GALNTL6: variants seen among roughly 807,000 people sequenced by gnomAD.
GALNTL6 encodes polypeptide N-acetylgalactosaminyltransferase like 6, also known as polypeptide N-acetylgalactosaminyltransferase-like 6.
In GALNTL6, 46 loss-of-function variants were observed where a neutral mutation model predicts 73.7. The observed-to-expected ratio is 0.62, with a 90% confidence interval of 0.49 to 0.80. The LOEUF (loss-of-function observed/expected upper bound fraction) is 0.80. Ranked by LOEUF, GALNTL6 falls within the 30% of genes least tolerant of loss-of-function variation. The pLI is 0.00. For synonymous variants in GALNTL6, 259 were observed against 263.7 expected, an observed-to-expected ratio of 0.98 and a Z score of 0.17; for missense variants, 604 against 755.0, an observed-to-expected ratio of 0.80 and a Z score of 2.34.
At chr4:172,632,469 C>A (rs1256618579) in intron 5 of GALNTL6, among the ~76,000 whole-genome samples, 1 of 152,068 alleles carries the variant, frequency 6.6e-6, no homozygotes, top group Non-Finnish European at 1.5e-5. Flanking sequence ...TGCAAAAAGA[C>A]TGGTGATATT....
intron 2 of GALNTL6, among the ~76,000 whole-genome samples, chr4:172,161,908 G>T (rs2110793889): frequency 6.6e-6 from 1 of 152,098 alleles, no homozygotes; most frequent in East Asian, 1.9e-4. Flanking sequence ...AAATATCTGT[G>T]AATACAAGAA....
At chr4:172,750,680 A>T (rs1737372141) in intron 5 of GALNTL6, among the ~76,000 whole-genome samples, 1 of 152,200 alleles carries the variant, frequency 6.6e-6, no homozygotes, top group Non-Finnish European at 1.5e-5. Flanking sequence ...CTTTTTATAC[A>T]TTGAGAATCA....
chr4:172,097,040 A>G (rs2110952735), intron 2 of GALNTL6, among the ~76,000 whole-genome samples: 1 of 152,316 alleles, frequency 6.6e-6, no homozygotes, highest in Admixed American at 6.5e-5. Context: ...CTCTGTATGT[A>G]TGCCAGGTTT....
At chr4:172,871,846 C>T (rs1191563787) in intron 7 of GALNTL6, among the ~76,000 whole-genome samples, 1 of 151,728 alleles carries the variant, frequency 6.6e-6, no homozygotes, top group Non-Finnish European at 1.5e-5. Context: ...TGTGATGGCG[C>T]GATCTTGGCT....
chr4:172,774,989 TAATAA>T (rs978833746), intron 5 of GALNTL6, among the ~76,000 whole-genome samples: 5 of 84,940 alleles, frequency 5.9e-5, no homozygotes, highest in Non-Finnish European at 1.5e-4. Context: ...ATAATAATAA[TAATAA>T]TAATAATAAA....
chr4:172,736,210 C>A (rs1324527630), intron 5 of GALNTL6, among the ~76,000 whole-genome samples: 1 of 152,148 alleles, frequency 6.6e-6, no homozygotes, highest in East Asian at 1.9e-4. Context: ...AGCTGGGGGG[C>A]GCTGCAGGTG....
At chr4:172,273,060 A>G (rs1226415635) in intron 3 of GALNTL6, among the ~76,000 whole-genome samples, 1 of 152,050 alleles carries the variant, frequency 6.6e-6, no homozygotes, top group Non-Finnish European at 1.5e-5. Context: ...AAAAATGAAT[A>G]ACATAGATCC....
At chr4:172,045,832 A>T (rs1279893892) in intron 2 of GALNTL6, among the ~76,000 whole-genome samples, 1 of 151,766 alleles carries the variant, frequency 6.6e-6, no homozygotes, top group African/African-American at 2.4e-5. Flanking sequence ...GTACACTTTG[A>T]CCATCTTGTC....
At chr4:171,907,260 C>T (rs1304173941) in intron 2 of GALNTL6, among the ~76,000 whole-genome samples, 1 of 152,114 alleles carries the variant, frequency 6.6e-6, no homozygotes, top group Non-Finnish European at 1.5e-5. Flanking sequence ...TGTCTCAGCC[C>T]AAAATCTCCT....
chr4:172,171,239 G>A (rs147113872), intron 2 of GALNTL6, among the ~76,000 whole-genome samples: 83 of 152,066 alleles, frequency 5.5e-4, no homozygotes, highest in African/African-American at 1.9e-3. Flanking sequence ...GGTTATGGCT[G>A]AATATTCACA....
intron 2 of GALNTL6, among the ~76,000 whole-genome samples, chr4:172,146,805 A>G (rs899730454): frequency 6.6e-6 from 1 of 152,222 alleles, no homozygotes; most frequent in Non-Finnish European, 1.5e-5. Context: ...TGACTGACAT[A>G]TTAAGATAAT....
intron 5 of GALNTL6, among the ~76,000 whole-genome samples, chr4:172,712,963 G>T (rs532884067): frequency 1.3e-5 from 2 of 151,886 alleles, no homozygotes; most frequent in Non-Finnish European, 2.9e-5. Context: ...ATTTCCTTAC[G>T]TGCAAAATGA....
At chr4:172,570,961 C>T (rs932741910) in intron 5 of GALNTL6, among the ~76,000 whole-genome samples, 8 of 152,086 alleles carry the variant, frequency 5.3e-5, no homozygotes, top group African/African-American at 1.9e-4. Flanking sequence ...CTCGTATGAG[C>T]ATCTAATGCC....
intron 5 of GALNTL6, among the ~76,000 whole-genome samples, chr4:172,780,641 T>C (rs923876566): frequency 1.3e-5 from 2 of 152,246 alleles, no homozygotes; most frequent in Admixed American, 6.5e-5. Flanking sequence ...ATGTTCTCAC[T>C]GTGTCAGTGT....
intron 2 of GALNTL6, among the ~76,000 whole-genome samples, chr4:171,924,489 T>C (rs1560843470): frequency 6.6e-6 from 1 of 151,964 alleles, no homozygotes; most frequent in Non-Finnish European, 1.5e-5. Context: ...CTATTTAGAG[T>C]ATTTATATAA....
At chr4:172,941,109 A>G (rs888098196) in intron 9 of GALNTL6, among the ~76,000 whole-genome samples, 2 of 152,210 alleles carry the variant, frequency 1.3e-5, no homozygotes, top group Non-Finnish European at 2.9e-5. Flanking sequence ...CAAATATTCC[A>G]TTGTGCTTTC....
At chr4:172,144,575 T>C (rs1364913468) in intron 2 of GALNTL6, among the ~76,000 whole-genome samples, 1 of 152,194 alleles carries the variant, frequency 6.6e-6, no homozygotes, top group African/African-American at 2.4e-5. Context: ...TGATAGTCTT[T>C]CATTTACTAG....
intron 5 of GALNTL6, among the ~76,000 whole-genome samples, chr4:172,468,386 G>A (rs1276968409): frequency 6.6e-6 from 1 of 152,112 alleles, no homozygotes; most frequent in East Asian, 1.9e-4. Flanking sequence ...AAGACTATTA[G>A]AAATATATGG....
At chr4:172,227,195 A>T (rs1162659705) in intron 2 of GALNTL6, among the ~76,000 whole-genome samples, 1 of 152,144 alleles carries the variant, frequency 6.6e-6, no homozygotes, top group Non-Finnish European at 1.5e-5. Context: ...CAGTACCTGC[A>T]TCTCTTCCAG....
Sources: allele counts gnomAD v4.1 joint callset (sites outside exome capture counted in the v4.1 genomes callset), GRCh38; gene constraint gnomAD v4.1.1; transcripts MANE v1.5; gene names NCBI Gene and HGNC (gene_info 2026-07-23, HGNC 2026-07-21).